The following ABHD12 variants were observed in gnomAD, a reference collection of about 807,000 sequenced individuals.
The protein encoded by ABHD12 is lysophosphatidylserine lipase ABHD12.
In ABHD12, 43 loss-of-function variants were observed where a neutral mutation model predicts 58.3. The observed-to-expected ratio is 0.74, with a 90% CI of 0.58 to 0.95. The LOEUF is 0.95. Ranked by LOEUF, ABHD12 falls within the 40% of genes least tolerant of loss-of-function variation. The pLI is 0.00. For missense variants in ABHD12, 539 were observed against 537.2 expected (o/e 1.00, Z -0.03); for synonymous variants, 219 against 211.2 (o/e 1.04, Z -0.32).
chr20:25,342,588 A>G (rs985839023), intron 1 of ABHD12, among the ~76,000 whole-genome samples: 1 of 151,768 alleles, frequency 6.6e-6, no homozygotes, highest in African/African-American at 2.4e-5. Flanking sequence ...TTTTACCGGT[A>G]AAGTTTTTTT....
At chr20:25,321,655 AG>A (rs1315227417) in intron 3 of ABHD12, among the ~76,000 whole-genome samples, 1 of 152,256 alleles carries the variant, frequency 6.6e-6, no homozygotes, top group African/African-American at 2.4e-5. Flanking sequence ...AGGAGTTGTT[AG>A]TACTTCCAGC....
At chr20:25,298,240 G>A (rs2088581328), downstream of ABHD12, among the ~76,000 whole-genome samples, 1 of 151,818 alleles carries the variant, frequency 6.6e-6, no homozygotes. Context: ...GTGGAACCCG[G>A]GGTCATGTGT....
intron 1 of ABHD12, among the ~76,000 whole-genome samples, chr20:25,346,935 C>T (rs777048729): frequency 6.6e-6 from 1 of 152,104 alleles, no homozygotes; most frequent in Non-Finnish European, 1.5e-5. Context: ...TAAGCCACTG[C>T]GCCCGGCCAA....
chr20:25,390,406 C>G (rs2090154969), intron 1 of ABHD12, 107 bp downstream of exon 1: 2 of 1,130,450 alleles, frequency 1.8e-6, no homozygotes, highest in Admixed American at 8.8e-5. Flanking sequence ...ATCGGGCGGA[C>G]GGCCACTCTG....
intron 1 of ABHD12, among the ~76,000 whole-genome samples, chr20:25,366,508 C>T (rs2990513): frequency 2.3e-3 from 354 of 152,246 alleles, no homozygotes; most frequent in African/African-American, 7.9e-3. Context: ...TCAGTTGATC[C>T]GCCTGCCTCA....
At chr20:25,354,667 T>A (rs2146072449) in intron 1 of ABHD12, among the ~76,000 whole-genome samples, 1 of 152,084 alleles carries the variant, frequency 6.6e-6, no homozygotes, top group Admixed American at 6.5e-5. Context: ...AAATGGATGG[T>A]GAAAGACAGT....
intron 4 of ABHD12, 56 bp downstream of exon 4, chr20:25,320,143 C>G: frequency 6.2e-7 from 1 of 1,608,774 alleles, no homozygotes; most frequent in Non-Finnish European, 8.5e-7. Context: ...CAGGACATTC[C>G]CACCCCAAAA....
chr20:25,337,747 T>A (rs945475435), intron 2 of ABHD12, among the ~76,000 whole-genome samples: 38 of 152,194 alleles, frequency 2.5e-4, no homozygotes, highest in Non-Finnish European at 5.0e-4. Flanking sequence ...AGCTTCGTGT[T>A]TATACCTAAG....
At chr20:25,295,749 C>T, downstream of ABHD12, 1 of 1,454,790 alleles carries the variant, frequency 6.9e-7, no homozygotes, top group Non-Finnish European at 9.7e-7. Flanking sequence ...TGTTTATTTC[C>T]CAAGCTGAGT....
At chr20:25,339,644 G>A (rs1314192024) in intron 1 of ABHD12, 1 of 1,409,628 alleles carries the variant, frequency 7.1e-7, no homozygotes, top group Non-Finnish European at 9.5e-7. Flanking sequence ...ATACAGCAGA[G>A]AAAGCAGACC....
chr20:25,351,028 A>G (rs2089594163), intron 1 of ABHD12, among the ~76,000 whole-genome samples: 2 of 151,678 alleles, frequency 1.3e-5, no homozygotes, highest in South Asian at 4.2e-4. Context: ...AAGCTGGTAT[A>G]TAAACCTTCA....
intron 12 of ABHD12, 25 bp downstream of exon 12, chr20:25,302,194 C>G (rs2088648121): frequency 6.2e-7 from 1 of 1,612,388 alleles, no homozygotes; most frequent in Non-Finnish European, 8.5e-7. Flanking sequence ...AGACGAAGCC[C>G]CTGGGTGGGA....
At chr20:25,387,512 G>A (rs2090106855) in intron 1 of ABHD12, among the ~76,000 whole-genome samples, 1 of 146,880 alleles carries the variant, frequency 6.8e-6, no homozygotes, top group African/African-American at 2.5e-5. Flanking sequence ...AACACTTTGG[G>A]AGGCCAGGAA....
chr20:25,322,381 A>ATATATATATATATATTTTTTTTTTTT, intron 3 of ABHD12, among the ~76,000 whole-genome samples: 3 of 59,264 alleles, frequency 5.1e-5, no homozygotes, highest in African/African-American at 1.7e-4. Flanking sequence ...ATATATATAT[A>ATATATATATATATATTTTTTTTTTTT]TTTTTTTTTT....
chr20:25,390,472 GACCGGCC>G (rs1568785031), intron 1 of ABHD12, 34 bp downstream of exon 1: 1 of 1,248,324 alleles, frequency 8.0e-7, no homozygotes, highest in African/African-American at 2.5e-5. Flanking sequence ...CAAAGTGAGG[GACCGGCC>G]CCCCCCCCCC....
intron 2 of ABHD12, among the ~76,000 whole-genome samples, chr20:25,326,487 T>C (rs1269255883): frequency 6.6e-6 from 1 of 152,190 alleles, no homozygotes; most frequent in Non-Finnish European, 1.5e-5. Context: ...ACCAAACTCA[T>C]AGGTATTTGA....
chr20:25,332,039 G>C (rs534255145), intron 2 of ABHD12, among the ~76,000 whole-genome samples: 252 of 152,276 alleles, frequency 1.7e-3, no homozygotes, highest in African/African-American at 5.6e-3. Context: ...AGACCCATCA[G>C]TGTGCTGTAT....
At chr20:25,380,930 T>A (rs570749521) in intron 1 of ABHD12, among the ~76,000 whole-genome samples, 1 of 152,222 alleles carries the variant, frequency 6.6e-6, no homozygotes, top group Non-Finnish European at 1.5e-5. Context: ...TCTTTCCACA[T>A]CTGTCCCCAT....
At chr20:25,375,223 A>C (rs1315978907) in intron 1 of ABHD12, among the ~76,000 whole-genome samples, 1 of 152,222 alleles carries the variant, frequency 6.6e-6, no homozygotes, top group Admixed American at 6.5e-5. Context: ...GGCCTCTGGA[A>C]TCGAGAGAAA....
Sources: allele counts gnomAD v4.1 joint callset (sites outside exome capture counted in the v4.1 genomes callset), GRCh38; gene constraint gnomAD v4.1.1; transcripts MANE v1.5; gene names NCBI Gene and HGNC (gene_info 2026-07-23, HGNC 2026-07-21).